The following GPATCH8 variants were observed in gnomAD, a reference collection of about 807,000 sequenced individuals.
GPATCH8 encodes G-patch domain containing 8.
Under a neutral mutation model 118.3 loss-of-function variants are expected in GPATCH8, and 18 were observed. That is an observed-to-expected ratio of 0.15 (90% CI 0.11 to 0.23). GPATCH8 has a LOEUF of 0.23. GPATCH8 is among the 10% of genes least tolerant of loss of function. The probability of loss-of-function intolerance (pLI) is 1.00; values close to 1 mark genes in which losing one functional copy is unlikely to be tolerated. For synonymous variants in GPATCH8, 659 were observed against 684.7 expected, an observed-to-expected ratio of 0.96 and a Z score of 0.59; for missense variants, 1,631 against 1,873.8, an observed-to-expected ratio of 0.87 and a Z score of 2.39.
At chr17:44,418,005 T>C (rs2049751015) in intron 6 of GPATCH8, among the ~76,000 whole-genome samples, 1 of 152,128 alleles carries the variant, frequency 6.6e-6, no homozygotes, top group Non-Finnish European at 1.5e-5. Flanking sequence ...ATAAAATATA[T>C]CTATGAGATA....
chr17:44,501,267 A>AG lies in GPATCH8; in HGVS notation c.45+2058_45+2059insC, dbSNP rs1180339101. Among the ~76,000 whole-genome samples the AG allele has an allele frequency of 1.4e-4, 22 of 152,142 alleles. No individual in the cohort carries two copies. In the East Asian group the frequency reaches 3.7e-3, roughly 25 times the overall value. ...CCCCATCTCTACTAAAAATACAAAA[A>AG]TTAGCCGGGTATGGTGGCGGGTGCC... is the stretch of plus-strand genomic sequence containing the variant. On this transcript the variant is annotated intron_variant, in intron 1 of 7. Transcript: ENST00000591680.
chr17:44,409,002 T>C (rs2049334161), intron 6 of GPATCH8: 1 of 152,200 alleles, frequency 6.6e-6, no homozygotes. Flanking sequence ...CATCTCAAAC[T>C]GAGTATGTAT....
chr17:44,421,089 T>C (rs2049882758), intron 6 of GPATCH8, among the ~76,000 whole-genome samples: 1 of 151,576 alleles, frequency 6.6e-6, no homozygotes, highest in African/African-American at 2.4e-5. Flanking sequence ...TGACCTCAAC[T>C]GATCTGCCCG....
At chr17:44,454,508 T>C (rs1353258070) in intron 3 of GPATCH8, among the ~76,000 whole-genome samples, 6 of 152,260 alleles carry the variant, frequency 3.9e-5, no homozygotes, top group Admixed American at 3.3e-4. Flanking sequence ...ATCTCCGTAC[T>C]GAGAAACAAG....
At position 44,399,463 on chromosome 17, in the gene GPATCH8, T is replaced by C. The variant is rs372775569; in HGVS notation, c.2614A>G (p.Ser872Gly). The change falls in exon 8 of 8, where the codon AGT becomes GGT. Residue 872 changes from serine to glycine, a missense_variant. Ser to Gly is a moderately conservative substitution (Grantham distance 56). Around this residue, in one of 8 missense-constraint regions of GPATCH8, gnomAD observed 922 missense variants for 879.7 expected, o/e 1.05. Coordinates refer to ENST00000591680, the MANE Select transcript of GPATCH8 (RefSeq NM_001002909.4). Reference protein sequence around the residue: ...SHRSSRRSYSSSSDASSDQSC... With the variant: ...SHRSSRRSYSGSSDASSDQSC... ...TGGTCTGAAGAGGCATCTGAGCTAC[T>C]TGAGTAAGAACGCCGGGAGGAACGA... 13 of 1,614,168 alleles carry C rather than the reference T, an allele frequency of 8.1e-6. No homozygotes were observed. Among genetic ancestry groups the C allele is most frequent in the Admixed American group, 1.7e-5 (1 of 60,016 alleles).
intron 1 of GPATCH8, among the ~76,000 whole-genome samples, chr17:44,498,701 T>G (rs948315511): frequency 2.6e-5 from 4 of 152,230 alleles, no homozygotes; most frequent in African/African-American, 4.8e-5. Context: ...TTGTATAAAT[T>G]TCAGTATCCC....
chr17:44,480,165 T>G (rs995314136), intron 1 of GPATCH8, among the ~76,000 whole-genome samples: 4 of 152,142 alleles, frequency 2.6e-5, no homozygotes, highest in Admixed American at 1.3e-4. Flanking sequence ...ATTTAAACAT[T>G]TCATCAATGA....
rs542911955 is a variant in GPATCH8 at position 44,429,547 on chromosome 17, C to G, written c.349-5055G>C. 7.2e-5 allele frequency among the ~76,000 whole-genome samples: 11 copies of G among 152,078 alleles called. 1 individual carries two copies. In the South Asian group the frequency reaches 2.3e-3, roughly 32 times the overall value. ...TAAAACTAGGCCACGTGGTGGCTCA[C>G]GCCTGTAATCCCAGCACTTTGGGAG... On this transcript the variant is annotated intron_variant, in intron 5 of 7. Coordinates refer to ENST00000591680, the MANE Select transcript of GPATCH8 (RefSeq NM_001002909.4).
Position 44,400,688 on chromosome 17 carries a change from C to A in GPATCH8, c.1389G>T (p.Glu463Asp). The A allele has an allele frequency of 6.2e-7, 1 of 1,611,136 alleles. No individual in the cohort carries two copies. Residue 463 changes from glutamate (E) to aspartate (D), a missense_variant, in exon 8 of 8, where the codon GAG (glutamate) becomes GAT (aspartate). By Grantham distance (45) the Glu-to-Asp change is conservative. Transcript: ENST00000591680. ...CGGTCATGCTGGTTTCCTTCGGCTG[C>A]TCAGAGACTTCACTAACTGTCTTTT... is the stretch of plus-strand genomic sequence containing the variant. ...GAEKTVSEVS[E>D]QPKETSMTEP...
intron 1 of GPATCH8, among the ~76,000 whole-genome samples, chr17:44,479,960 C>T (rs929681758): frequency 6.9e-5 from 8 of 116,110 alleles, no homozygotes; most frequent in South Asian, 2.6e-4. Context: ...AGCAAGACTC[C>T]GTCTCAAAAA....
At chr17:44,435,956 G>C (rs2050495961) in intron 4 of GPATCH8, among the ~76,000 whole-genome samples, 2 of 142,836 alleles carry the variant, frequency 1.4e-5, no homozygotes, top group South Asian at 2.2e-4. Context: ...TTGAACCCGG[G>C]AGACGGAGGT....
At chr17:44,460,036 G>A (rs761857279) in intron 3 of GPATCH8, among the ~76,000 whole-genome samples, 1 of 152,096 alleles carries the variant, frequency 6.6e-6, no homozygotes, top group Non-Finnish European at 1.5e-5. Flanking sequence ...CACCATTTCT[G>A]GGCTACACCT....
intron 3 of GPATCH8, among the ~76,000 whole-genome samples, chr17:44,448,250 C>A (rs1323068745): frequency 6.6e-6 from 1 of 151,984 alleles, no homozygotes; most frequent in Non-Finnish European, 1.5e-5. Context: ...AAATTATTAT[C>A]TATGATCAAT....
rs76306313 is a variant in GPATCH8, at chr17:44,457,239, T to C, written c.193+7233A>G. 2.0e-3 allele frequency among the ~76,000 whole-genome samples: 298 copies of C among 152,270 alleles called. 9 individuals are homozygous for C. In the East Asian group the frequency reaches 0.051, roughly 26 times the overall value. On this transcript the variant is annotated intron_variant, in intron 3 of 7. Coordinates refer to ENST00000591680, the MANE Select transcript of GPATCH8 (RefSeq NM_001002909.4). ...ATCTTTAACAAAAATTTTATCTTTA[T>C]GGTCAAGTAAATACAAACATAAATA...
chr17:44,451,583 CAG>C (rs1401670953), intron 3 of GPATCH8, among the ~76,000 whole-genome samples: 1 of 152,022 alleles, frequency 6.6e-6, no homozygotes, highest in South Asian at 2.1e-4. Flanking sequence ...AGGAGAGAAA[CAG>C]AAAGTAGAAG....
At chr17:44,462,392 C>A (rs1487355675) in intron 3 of GPATCH8, among the ~76,000 whole-genome samples, 1 of 152,204 alleles carries the variant, frequency 6.6e-6, no homozygotes, top group Non-Finnish European at 1.5e-5. Flanking sequence ...CAAATTCTAT[C>A]AAAAAGCCAT....
intron 3 of GPATCH8, among the ~76,000 whole-genome samples, chr17:44,454,271 C>T (rs2051244224): frequency 6.6e-6 from 1 of 152,072 alleles, no homozygotes; most frequent in Non-Finnish European, 1.5e-5. Flanking sequence ...TCCCAAGTAG[C>T]TAGGAATATA....
At chr17:44,470,216 T>C (rs1967167725) in intron 2 of GPATCH8, among the ~76,000 whole-genome samples, 1 of 152,210 alleles carries the variant, frequency 6.6e-6, no homozygotes, top group South Asian at 2.1e-4. Context: ...TGATCCCTCA[T>C]CTTTTTTTGT....
In GPATCH8 at chr17:44,400,925, T is replaced by C; in HGVS notation, c.1152A>G (p.Glu384=). Reference sequence around the variant, plus strand: ...ACTCAGGCTCTGTAGCCCCAGCTCCTTCTTCTCGTTTCATCCTTTTTAATT... The same window carrying C: ...ACTCAGGCTCTGTAGCCCCAGCTCCCTCTTCTCGTTTCATCCTTTTTAATT... ...LSKLKRMKRE[E]GAGATEPEYY... The change falls in exon 8 of 8, where the codon GAA becomes GAG. Residue 384 remains glutamate (E), a synonymous_variant. Coordinates refer to ENST00000591680, the MANE Select transcript of GPATCH8 (RefSeq NM_001002909.4). The C allele has an allele frequency of 6.2e-7, 1 of 1,614,174 alleles. No individual in the cohort carries two copies. The highest frequency in any genetic ancestry group is 1.7e-5 in the Admixed American group (1 of 60,026).
Sources: allele counts gnomAD v4.1 joint callset (sites outside exome capture counted in the v4.1 genomes callset), GRCh38; gene constraint gnomAD v4.1.1; regional missense constraint gnomAD v4.1.1; transcripts MANE v1.5; gene names NCBI Gene and HGNC (gene_info 2026-07-23, HGNC 2026-07-21).